GUCY2F: variants seen among roughly 807,000 people sequenced by gnomAD.
The protein encoded by GUCY2F is retinal guanylyl cyclase 2.
GUCY2F carries 61 observed loss-of-function variants against 73.1 expected under a neutral mutation model. The observed-to-expected ratio is 0.83, with a 90% confidence interval of 0.68 to 1.03. The LOEUF is 1.03. GUCY2F is among the 50% of genes least tolerant of loss of function. The pLI, the probability that GUCY2F is intolerant of heterozygous loss-of-function variation, is 0.00. For missense variants in GUCY2F, 912 were observed against 854.3 expected, an observed-to-expected ratio of 1.07 and a Z score of -0.84; for synonymous variants, 331 against 307.8, an observed-to-expected ratio of 1.08 and a Z score of -0.79.
intron 2 of GUCY2F, among the ~76,000 whole-genome samples, chrX:109,472,800 A>G (rs1396280590): frequency 1.8e-5 from 2 of 111,954 alleles, no homozygotes; most frequent in Admixed American, 9.4e-5. Context: ...CCTGCTTTAC[A>G]TGTTCCCATG....
At chrX:109,444,782 C>T (rs1292129709) in intron 6 of GUCY2F, among the ~76,000 whole-genome samples, 1 of 111,713 alleles carries the variant, frequency 9.0e-6, no homozygotes, top group African/African-American at 3.2e-5. Context: ...GAGTTATAGC[C>T]GATTGTCATG....
chrX:109,477,064 G>A (rs1932714377), intron 1 of GUCY2F, among the ~76,000 whole-genome samples: 1 of 111,046 alleles, frequency 9.0e-6, no homozygotes, highest in African/African-American at 3.3e-5. Flanking sequence ...GAATGAGTTG[G>A]AAGAAAGCAA....
chrX:109,403,238 C>T (rs945542457), intron 10 of GUCY2F, among the ~76,000 whole-genome samples: 4 of 111,238 alleles, frequency 3.6e-5, no homozygotes, highest in Non-Finnish European at 7.5e-5. Flanking sequence ...CCACCCACCC[C>T]CATCTCAGAT....
Position 109,385,171 on chromosome X carries a change from AT to A in GUCY2F, c.3055+12del. On this transcript the variant is annotated intron_variant, in intron 16 of 19. Coordinates refer to ENST00000218006, the MANE Select transcript of GUCY2F (RefSeq NM_001522.3). ...GTGGTGCCATCCTATCCATCTCTCTATTAGGTACTCACGTAAGCCTGTAGAT... is the reference window on the plus strand; with the variant it reads ...GTGGTGCCATCCTATCCATCTCTCTATAGGTACTCACGTAAGCCTGTAGAT... 1.0e-6 allele frequency: 1 copy of A among 967,236 alleles called. No homozygotes were observed. Among genetic ancestry groups the A allele is most frequent in the Non-Finnish European group, 1.5e-6 (1 of 677,567 alleles). 79.7% of individuals were successfully genotyped at this position (967,236 alleles called of 1,213,427 possible).
chrX:109,446,946 C>T (rs942305902), intron 6 of GUCY2F, among the ~76,000 whole-genome samples: 11 of 111,539 alleles, frequency 9.9e-5, no homozygotes, highest in Non-Finnish European at 2.1e-4. Context: ...TCAAAAAATC[C>T]CATCAAAAAG....
intron 12 of GUCY2F, among the ~76,000 whole-genome samples, chrX:109,393,833 CTG>C (rs1244275036): frequency 8.9e-6 from 1 of 112,374 alleles, no homozygotes; most frequent in African/African-American, 3.2e-5. Context: ...ATGCACATGA[CTG>C]TGTTCACAAC....
intron 10 of GUCY2F, 139 bp from the exon 11 acceptor site, chrX:109,398,837 T>A: frequency 2.0e-6 from 1 of 498,504 alleles, no homozygotes; most frequent in Non-Finnish European, 3.2e-6. Context: ...GTGCCCCCCA[T>A]CCCCCAGGGT....
intron 8 of GUCY2F, among the ~76,000 whole-genome samples, chrX:109,424,906 A>G (rs1439998456): frequency 9.1e-6 from 1 of 110,482 alleles, no homozygotes; most frequent in Non-Finnish European, 1.9e-5. Context: ...AGCTGGGATT[A>G]CAGATGCCCA....
chrX:109,482,079 C>T lies in GUCY2F; in HGVS notation c.-299G>A, dbSNP rs1932768124. Reference sequence around the variant, plus strand: ...ACTCTTCAGCATCCGCAGACCAAGACTTGGATTAGGATTTAGAGTGACACT... The same window carrying T: ...ACTCTTCAGCATCCGCAGACCAAGATTTGGATTAGGATTTAGAGTGACACT... On this transcript the variant is annotated 5_prime_UTR_variant, in exon 1 of 20. Coordinates refer to ENST00000218006, the MANE Select transcript of GUCY2F (RefSeq NM_001522.3). 8.9e-6 allele frequency: 1 copy of T among 112,192 alleles called. No individual in the cohort carries two copies. Among genetic ancestry groups the T allele is most frequent in the Admixed American group, 9.4e-5 (1 of 10,624 alleles). 9.2% of individuals were successfully genotyped at this position (112,192 alleles called of 1,213,427 possible).
chrX:109,453,421 T>A, intron 4 of GUCY2F, 84 bp downstream of exon 4: 2 of 519,044 alleles, frequency 3.9e-6, no homozygotes, highest in South Asian at 3.2e-5. Flanking sequence ...AGTGTTTCAA[T>A]ATTAAAATGT....
At chrX:109,402,371 G>GT (rs201547977) in intron 10 of GUCY2F, among the ~76,000 whole-genome samples, 8 of 100,055 alleles carry the variant, frequency 8.0e-5, no homozygotes, top group African/African-American at 2.7e-4. Flanking sequence ...GAAGCTAGGC[G>GT]TTTTGTTTTT....
At chrX:109,443,541 C>T (rs1931924179) in intron 6 of GUCY2F, among the ~76,000 whole-genome samples, 1 of 111,547 alleles carries the variant, frequency 9.0e-6, no homozygotes, top group Admixed American at 9.5e-5. Context: ...GAAGGTAGCA[C>T]TGCTTAGCTA....
intron 3 of GUCY2F, among the ~76,000 whole-genome samples, chrX:109,454,756 C>T (rs1234053433): frequency 9.0e-6 from 1 of 111,281 alleles, no homozygotes; most frequent in East Asian, 2.8e-4. Flanking sequence ...CAATTCCTCC[C>T]TTCTCTGTAC....
chrX:109,410,171 G>A (rs1222130894), intron 8 of GUCY2F, among the ~76,000 whole-genome samples: 1 of 112,112 alleles, frequency 8.9e-6, no homozygotes, highest in Non-Finnish European at 1.9e-5. Flanking sequence ...ACGCCACTAA[G>A]TTTGCACTAA....
At chrX:109,458,497 A>C (rs1932303018) in intron 3 of GUCY2F, among the ~76,000 whole-genome samples, 1 of 111,853 alleles carries the variant, frequency 8.9e-6, no homozygotes, top group African/African-American at 3.3e-5. Flanking sequence ...TTTGTATTTC[A>C]GAAGAGGAGC....
intron 16 of GUCY2F, 94 bp from the exon 17 acceptor site, chrX:109,382,306 G>T: frequency 1.9e-6 from 1 of 530,778 alleles, no homozygotes; most frequent in Non-Finnish European, 3.4e-6. Flanking sequence ...ACTTGTAAAT[G>T]AACTAGACCA....
At chrX:109,435,178 C>T (rs1931710631) in intron 7 of GUCY2F, among the ~76,000 whole-genome samples, 1 of 111,293 alleles carries the variant, frequency 9.0e-6, no homozygotes, top group South Asian at 3.8e-4. Context: ...TCATCGGTAG[C>T]CTGATGGGGA....
Position 109,465,271 on chromosome X carries a change from G to A in GUCY2F, c.903C>T (p.Asn301=), listed in dbSNP as rs1415961371. 3.3e-6 allele frequency: 4 copies of A among 1,208,381 alleles called. No individual in the cohort carries two copies. The Admixed American group carries it at 6.6e-5, about 20-fold the overall frequency. The part of the protein sequence containing the change: ...KHTPYRVLRN[N]PKLREAYDAV... ...CATCATAGGCTTCCCGGAGCTTTGG[G>A]TTGTTCCTTAGGACCCGGTAGGGGG... The change falls in exon 3 of 20, where the codon AAC becomes AAT. Residue 301 remains asparagine, a synonymous_variant. Transcript: ENST00000218006.
At position 109,475,461 on chromosome X, in the gene GUCY2F, T is replaced by G; in HGVS notation, c.476A>C (p.Lys159Thr). 1 of 1,211,095 alleles carries G rather than the reference T, an allele frequency of 8.3e-7. No homozygotes were observed. Among genetic ancestry groups the G allele is most frequent in the East Asian group, 3.0e-5 (1 of 33,829 alleles). ...CCGAGAAAAGGTCGGGTAGCTAATT[T>G]TATTGTCTAATTCATAATTCACACA... ...WACVNYELDN[K>T]ISYPTFSRTL... The change falls in exon 2 of 20, where the codon AAA (lysine) becomes ACA (threonine). Residue 159 changes from lysine to threonine, a missense_variant. Coordinates refer to ENST00000218006, the MANE Select transcript of GUCY2F (RefSeq NM_001522.3).
Sources: allele counts gnomAD v4.1 joint callset (sites outside exome capture counted in the v4.1 genomes callset), GRCh38; gene constraint gnomAD v4.1.1; transcripts MANE v1.5; gene names NCBI Gene and HGNC (gene_info 2026-07-23, HGNC 2026-07-21).